GALNT17: variants seen among roughly 807,000 people sequenced by gnomAD.
The protein encoded by GALNT17 is UDP-GalNAc:polypeptide N-acetylgalactosaminyltransferase-like 3.
A neutral mutation model predicts 63.7 loss-of-function variants in GALNT17; 29 were observed. That is an observed-to-expected ratio of 0.46 (90% CI 0.34 to 0.62). The LOEUF is 0.62. Among genes scored for constraint, GALNT17 ranks in the 20% least tolerant of loss-of-function variants. The pLI, the probability that GALNT17 is intolerant of heterozygous loss-of-function variation, is 0.01. For synonymous variants in GALNT17, 305 were observed against 318.3 expected, an observed-to-expected ratio of 0.96 and a Z score of 0.45; for missense variants, 603 against 799.6, an observed-to-expected ratio of 0.75 and a Z score of 2.97.
intron 5 of GALNT17, among the ~76,000 whole-genome samples, chr7:71,493,782 C>T (rs1315398362): frequency 1.3e-5 from 2 of 152,160 alleles, no homozygotes; most frequent in Non-Finnish European, 2.9e-5. Flanking sequence ...CTTCTCCATC[C>T]TTCTCCTCAT....
At chr7:71,595,619 G>A (rs1019834137) in intron 6 of GALNT17, among the ~76,000 whole-genome samples, 2 of 151,154 alleles carry the variant, frequency 1.3e-5, no homozygotes, top group African/African-American at 4.9e-5. Context: ...CTTCATATGT[G>A]TTGGCTCAAG....
At chr7:71,400,864 A>G (rs1162562066) in intron 3 of GALNT17, among the ~76,000 whole-genome samples, 1 of 152,218 alleles carries the variant, frequency 6.6e-6, no homozygotes, top group Admixed American at 6.5e-5. Context: ...CAAGATGGGT[A>G]TTGGTGCTTC....
At chr7:71,430,401 T>C (rs551256158) in intron 5 of GALNT17, among the ~76,000 whole-genome samples, 1 of 152,290 alleles carries the variant, frequency 6.6e-6, no homozygotes, top group South Asian at 2.1e-4. Context: ...TGTACACTTC[T>C]CTCCAGCTGC....
intron 1 of GALNT17, among the ~76,000 whole-genome samples, chr7:71,236,949 T>C (rs1256194616): frequency 6.6e-6 from 1 of 152,226 alleles, no homozygotes; most frequent in Non-Finnish European, 1.5e-5. Context: ...TTGAGGGAGA[T>C]GCCTAAGTTC....
At chr7:71,441,215 G>T (rs959771100) in intron 5 of GALNT17, among the ~76,000 whole-genome samples, 1 of 151,988 alleles carries the variant, frequency 6.6e-6, no homozygotes, top group African/African-American at 2.4e-5. Flanking sequence ...TAGAGACAGG[G>T]TTTCATCATG....
intron 1 of GALNT17, among the ~76,000 whole-genome samples, chr7:71,242,104 A>T (rs1790006442): frequency 6.6e-6 from 1 of 151,996 alleles, no homozygotes; most frequent in Non-Finnish European, 1.5e-5. Context: ...ACCCTTTTAA[A>T]CAACCAGCTT....
intron 1 of GALNT17, among the ~76,000 whole-genome samples, chr7:71,271,702 G>C (rs981695511): frequency 6.6e-6 from 1 of 152,162 alleles, no homozygotes; most frequent in African/African-American, 2.4e-5. Flanking sequence ...ATCCCATTTT[G>C]TGGTCAGTCT....
At chr7:71,461,840 A>C (rs2116582058) in intron 5 of GALNT17, among the ~76,000 whole-genome samples, 1 of 152,266 alleles carries the variant, frequency 6.6e-6, no homozygotes, top group Non-Finnish European at 1.5e-5. Context: ...GCTCTCGGCC[A>C]CAGATGTCTC....
intron 1 of GALNT17, among the ~76,000 whole-genome samples, chr7:71,189,355 A>G (rs1444532768): frequency 6.6e-6 from 1 of 152,164 alleles, no homozygotes; most frequent in Non-Finnish European, 1.5e-5. Flanking sequence ...TGTCTCGGGT[A>G]TGTGAAAATG....
chr7:71,616,196 C>A (rs1301403213), intron 6 of GALNT17, among the ~76,000 whole-genome samples: 1 of 152,050 alleles, frequency 6.6e-6, no homozygotes, highest in East Asian at 1.9e-4. Context: ...GGGGCTCTTA[C>A]TAGAATCTAG....
rs376707053 is a variant in GALNT17, at chr7:71,184,193, C to G, written c.238+51153C>G. ...GAGACTGACCTCAAAAGAAATCAAC[C>G]CCGCTGACACCTTCATCTCGGACTT... is the stretch of plus-strand genomic sequence containing the variant. On this transcript the variant is annotated intron_variant, in intron 1 of 10. Coordinates refer to ENST00000333538, the MANE Select transcript of GALNT17 (RefSeq NM_022479.3). Among the ~76,000 whole-genome samples the G allele has an allele frequency of 9.8e-4, 149 of 152,258 alleles. 2 individuals carry two copies. The South Asian group carries it at 0.03, about 31-fold the overall frequency.
At chr7:71,343,224 G>A (rs1016014769) in intron 2 of GALNT17, among the ~76,000 whole-genome samples, 4 of 152,176 alleles carry the variant, frequency 2.6e-5, no homozygotes, top group African/African-American at 9.7e-5. Flanking sequence ...AGCTGCCTGG[G>A]GCTGAGCAGT....
At chr7:71,532,937 A>G (rs1388974438) in intron 5 of GALNT17, among the ~76,000 whole-genome samples, 1 of 152,120 alleles carries the variant, frequency 6.6e-6, no homozygotes. Context: ...ATTTTTGGAG[A>G]TGGACTGGGG....
At chr7:71,201,829 C>T (rs1444091345) in intron 1 of GALNT17, among the ~76,000 whole-genome samples, 2 of 152,094 alleles carry the variant, frequency 1.3e-5, no homozygotes, top group African/African-American at 2.4e-5. Context: ...GACGGGGTTT[C>T]ACCATGTTGG....
intron 1 of GALNT17, among the ~76,000 whole-genome samples, chr7:71,230,204 A>C (rs947940980): frequency 6.6e-6 from 1 of 151,516 alleles, no homozygotes; most frequent in African/African-American, 2.4e-5. Flanking sequence ...TAACTGGTTA[A>C]AATTAAAGTG....
Position 71,416,056 on chromosome 7 carries a change from G to A in GALNT17, c.757G>A (p.Ala253Thr), listed in dbSNP as rs530212430. The change falls in exon 4 of 11, where the codon GCT becomes ACT. Residue 253 changes from alanine to threonine, a missense_variant. Ala to Thr is a moderately conservative substitution (Grantham distance 58). This residue lies in a region of GALNT17 where 336 missense variants were observed against 507.8 expected (regional missense o/e 0.66). Transcript: ENST00000333538. The stretch of plus-strand genomic sequence containing the variant: ...CTTTGATGCCCACGTGGAATTCACC[G>A]CTGGCTGGTAGGTCATGAGCTGAAA... ...GFFDAHVEFT[A>T]GWAEPVLSRI... The A allele has an allele frequency of 2.0e-5, 32 of 1,609,948 alleles. No individual in the cohort carries two copies. Among genetic ancestry groups the A allele is most frequent in the Non-Finnish European group, 2.4e-5 (28 of 1,178,238 alleles).
At chr7:71,179,534 T>C (rs531591884) in intron 1 of GALNT17, among the ~76,000 whole-genome samples, 1 of 152,206 alleles carries the variant, frequency 6.6e-6, no homozygotes, top group Non-Finnish European at 1.5e-5. Flanking sequence ...AGGCAGCAGC[T>C]GACATCTCCA....
At chr7:71,255,251 G>T (rs113473600) in intron 1 of GALNT17, among the ~76,000 whole-genome samples, 1 of 152,208 alleles carries the variant, frequency 6.6e-6, no homozygotes, top group African/African-American at 2.4e-5. Context: ...ATGCGGGTGG[G>T]TCTTTCTCGT....
intron 8 of GALNT17, among the ~76,000 whole-genome samples, chr7:71,673,088 A>G (rs949017975): frequency 1.3e-5 from 2 of 152,154 alleles, no homozygotes; most frequent in Non-Finnish European, 2.9e-5. Context: ...GAAAAAAATC[A>G]TATCTTCTGT....
Sources: allele counts gnomAD v4.1 joint callset (sites outside exome capture counted in the v4.1 genomes callset), GRCh38; gene constraint gnomAD v4.1.1; regional missense constraint gnomAD v4.1.1; transcripts MANE v1.5; gene names NCBI Gene and HGNC (gene_info 2026-07-23, HGNC 2026-07-21).